SLC26A8: variants seen among roughly 807,000 people sequenced by gnomAD.
SLC26A8 encodes the protein testis anion transporter 1.
SLC26A8 carries 70 observed loss-of-function variants against 105.0 expected under a neutral mutation model. That is an observed-to-expected ratio of 0.67 (90% CI 0.55 to 0.81). The LOEUF is 0.81. Ranked by LOEUF, SLC26A8 falls within the 40% of genes least tolerant of loss-of-function variation. The probability of loss-of-function intolerance (pLI) is 0.00; values close to 1 mark genes in which losing one functional copy is unlikely to be tolerated. For missense variants in SLC26A8, 998 were observed against 1,181.8 expected (o/e 0.84, Z 2.28); for synonymous variants, 415 against 438.3 (o/e 0.95, Z 0.66).
At chr6:35,998,555 C>CAAAAA (rs56714506) in intron 4 of SLC26A8, among the ~76,000 whole-genome samples, 4 of 118,970 alleles carry the variant, frequency 3.4e-5, no homozygotes, top group African/African-American at 9.0e-5. Flanking sequence ...AACTCCATCT[C>CAAAAA]AAAAAAAAAA....
At chr6:36,023,607 G>T (rs1426148943) in intron 1 of SLC26A8, among the ~76,000 whole-genome samples, 1 of 147,238 alleles carries the variant, frequency 6.8e-6, no homozygotes, top group Non-Finnish European at 1.5e-5. Context: ...CAATTTTTTA[G>T]CTATTGACCC....
chr6:35,953,539 G>A (rs528748814), intron 17 of SLC26A8, among the ~76,000 whole-genome samples: 4 of 152,164 alleles, frequency 2.6e-5, no homozygotes, highest in East Asian at 1.9e-4. Context: ...ACTCAGCAAC[G>A]TGGGCTGAAT....
rs757441045 is a variant in SLC26A8, at chr6:35,991,732, G to A, written c.869C>T (p.Ala290Val). The A allele has an allele frequency of 5.0e-6, 8 of 1,607,054 alleles. No homozygotes were observed. The South Asian group carries it at 8.9e-5, about 18-fold the overall frequency. Residue 290 changes from alanine to valine, a missense_variant, in exon 7 of 20, where the codon GCT (alanine) becomes GTT (valine). Physicochemically the swap from Ala to Val is moderately conservative, Grantham distance 64 (BLOSUM62 0). Transcript: ENST00000490799. ...TCTGATACATTTGTTGATTCGCAGA[G>A]CAACAACAACAGTTAGAAATACTAG... ...SILVFLTVVV[A>V]LRINKCIRIS...
intron 11 of SLC26A8, among the ~76,000 whole-genome samples, chr6:35,963,021 A>G (rs1409474740): frequency 6.6e-6 from 1 of 152,160 alleles, no homozygotes; most frequent in African/African-American, 2.4e-5. Flanking sequence ...ACACAAGGCA[A>G]GGTCAGGCCA....
intron 11 of SLC26A8, among the ~76,000 whole-genome samples, chr6:35,966,533 A>G (rs976159041): frequency 1.3e-5 from 2 of 152,202 alleles, no homozygotes; most frequent in Admixed American, 1.3e-4. Context: ...AACCACTGGT[A>G]TGTTCTACAT....
chr6:35,985,989 G>T (rs1367735857), intron 7 of SLC26A8, among the ~76,000 whole-genome samples: 1 of 146,390 alleles, frequency 6.8e-6, no homozygotes, highest in Non-Finnish European at 1.5e-5. Flanking sequence ...TGGCTGAATC[G>T]AGCTATTAAT....
intron 7 of SLC26A8, among the ~76,000 whole-genome samples, chr6:35,987,209 A>G (rs1030338230): frequency 3.3e-5 from 5 of 152,204 alleles, no homozygotes; most frequent in African/African-American, 1.2e-4. Flanking sequence ...AGTTAGTATA[A>G]GTGGGTTATG....
Position 35,959,574 on chromosome 6 carries a change from C to T in SLC26A8, c.1749G>A (p.Val583=). Residue 583 remains valine (V), a synonymous_variant, in exon 16 of 20, where the codon GTG becomes GTA. Coordinates refer to ENST00000490799, the MANE Select transcript of SLC26A8 (RefSeq NM_052961.4). ...TGAAAATTTCTTCTTCTTTAAGAGG[C>T]ACCTTTACCATATCAACCTGAAAGA... is the stretch of plus-strand genomic sequence containing the variant. ...KLLKEVDMVK[V]PLKEEEIFSL... 6.2e-7 allele frequency: 1 copy of T among 1,613,210 alleles called. No homozygotes were observed.
rs577384500 is a variant in SLC26A8, at chr6:35,956,166, G to A, written c.1864-646C>T. Reference sequence around the variant, plus strand: ...TAGCCCCACCTACTGGGGAGGCTGAGGTGGGAGGATTGCTTGAGCCTGGGA... The same window carrying A: ...TAGCCCCACCTACTGGGGAGGCTGAAGTGGGAGGATTGCTTGAGCCTGGGA... On this transcript the variant is annotated intron_variant, in intron 16 of 19. Transcript: ENST00000490799. Among the ~76,000 whole-genome samples, 111 of 152,278 alleles carry A rather than the reference G, an allele frequency of 7.3e-4. 2 individuals carry two copies. The highest frequency in any genetic ancestry group is 2.5e-3 in the African/African-American group (105 of 41,566).
At chr6:35,996,807 G>T (rs866540812) in intron 5 of SLC26A8, among the ~76,000 whole-genome samples, 15 of 152,110 alleles carry the variant, frequency 9.9e-5, no homozygotes, top group African/African-American at 3.1e-4. Flanking sequence ...GGCCGAGGTG[G>T]GTGGATCACC....
Position 36,012,381 on chromosome 6 carries a change from G to A in SLC26A8, c.189-9C>T. On this transcript the variant is annotated splice_polypyrimidine_tract_variant and intron_variant, in intron 2 of 19. Transcript: ENST00000490799. The stretch of plus-strand genomic sequence containing the variant: ...ACCTGTGCCATGAGCAGCTGTGAGA[G>A]AGAGGAGCAGAGACTTGGTTAGTTT... 6.4e-7 allele frequency: 1 copy of A among 1,557,976 alleles called. No individual in the cohort carries two copies. The highest frequency in any genetic ancestry group is 8.6e-7 in the Non-Finnish European group (1 of 1,158,980).
chr6:35,985,270 A>G (rs1395230532), intron 7 of SLC26A8, among the ~76,000 whole-genome samples: 2 of 152,162 alleles, frequency 1.3e-5, no homozygotes, highest in African/African-American at 4.8e-5. Context: ...ACCTCCCTCC[A>G]GAGGCTATGT....
At chr6:35,990,099 G>A (rs1417034232) in intron 7 of SLC26A8, among the ~76,000 whole-genome samples, 2 of 151,542 alleles carry the variant, frequency 1.3e-5, no homozygotes, top group African/African-American at 2.4e-5. Flanking sequence ...CACCGCACCC[G>A]GCTAGTTTTG....
At chr6:35,985,222 T>C (rs1773447998) in intron 7 of SLC26A8, among the ~76,000 whole-genome samples, 1 of 152,088 alleles carries the variant, frequency 6.6e-6, no homozygotes, top group Admixed American at 6.6e-5. Context: ...GTCTCCCTAA[T>C]GTATAAAAGC....
rs1386200690 is a variant in SLC26A8, at chr6:35,962,737, A to G, written c.1366-116T>C. 9.9e-6 allele frequency: 8 copies of G among 807,902 alleles called. No homozygotes were observed. The African/African-American group carries it at 1.2e-4, about 12-fold the overall frequency. The allele number at this position is 807,902 out of a possible 1,614,324, so 50.0% of individuals were successfully genotyped here. ...CCACTTTGAGATATTTTGCATTGATATTTTATATGAATACCATGTCTATGT... is the reference window on the plus strand; with the variant it reads ...CCACTTTGAGATATTTTGCATTGATGTTTTATATGAATACCATGTCTATGT... On this transcript the variant is annotated intron_variant, in intron 11 of 19. Transcript: ENST00000490799.
intron 17 of SLC26A8, among the ~76,000 whole-genome samples, chr6:35,954,105 G>C (rs1007435831): frequency 6.6e-6 from 1 of 152,120 alleles, no homozygotes; most frequent in Non-Finnish European, 1.5e-5. Flanking sequence ...TGGCTAAAAA[G>C]GAATATTATA....
In SLC26A8 at chr6:35,961,051, T is replaced by C. The variant is rs747281174; in HGVS notation, c.1510A>G (p.Ile504Val). ...GAAACTACTGAGATAATTAGTCCAATGTCCAGTCCCAGGAAAATTGAAGAT... is the reference window on the plus strand; with the variant it reads ...GAAACTACTGAGATAATTAGTCCAACGTCCAGTCCCAGGAAAATTGAAGAT... ...FSSSIFLGLDIGLIISVVSAF... is the reference protein window; with the variant it reads ...FSSSIFLGLDVGLIISVVSAF... Residue 504 changes from isoleucine (I) to valine (V), a missense_variant, in exon 13 of 20, where the codon ATT (isoleucine) becomes GTT (valine). Physicochemically the swap from Ile to Val is conservative, Grantham distance 29. Coordinates refer to ENST00000490799, the MANE Select transcript of SLC26A8 (RefSeq NM_052961.4). The C allele has an allele frequency of 1.9e-6, 3 of 1,614,016 alleles. No individual in the cohort carries two copies. The highest frequency in any genetic ancestry group is 1.7e-6 in the Non-Finnish European group (2 of 1,180,032).
At chr6:35,993,957 C>T (rs1398550273) in intron 5 of SLC26A8, among the ~76,000 whole-genome samples, 1 of 152,124 alleles carries the variant, frequency 6.6e-6, no homozygotes, top group African/African-American at 2.4e-5. Context: ...AGGAGCAAAA[C>T]AGAAGTCTTA....
At chr6:35,963,570 A>C (rs1772394655) in intron 11 of SLC26A8, among the ~76,000 whole-genome samples, 2 of 152,114 alleles carry the variant, frequency 1.3e-5, no homozygotes, top group South Asian at 4.1e-4. Flanking sequence ...CCCAACCCAC[A>C]AGTCGACCAC....
Sources: gnomAD v4.1 joint callset for allele counts (sites outside exome capture counted in the v4.1 genomes callset) on GRCh38, gnomAD v4.1.1 for gene constraint, MANE v1.5 for transcripts, NCBI Gene and HGNC (gene_info 2026-07-23, HGNC 2026-07-21) for gene names.